Variants in DOCK11 observed in about 807,000 individuals in gnomAD.
DOCK11 encodes dedicator of cytokinesis 11.
In DOCK11, 70 loss-of-function variants were observed where a neutral mutation model predicts 169.1. The ratio of observed to expected loss-of-function variants is 0.41; its 90% confidence interval spans 0.34 to 0.51. DOCK11 has a LOEUF of 0.51. DOCK11 is among the 20% of genes least tolerant of loss of function. DOCK11 has a pLI of 0.10. For missense variants in DOCK11, 1,166 were observed against 1,538.8 expected (o/e 0.76, Z 4.05); for synonymous variants, 529 against 541.3 (o/e 0.98, Z 0.32).
At chrX:118,584,956 T>C (rs2013774936) in intron 15 of DOCK11, 85 bp from the exon 16 acceptor site, 2 of 1,148,480 alleles carry the variant, frequency 1.7e-6, no homozygotes, top group South Asian at 3.9e-5. Context: ...AACAGAATGA[T>C]TAAAATTGTA....
intron 1 of DOCK11, among the ~76,000 whole-genome samples, chrX:118,496,722 G>C (rs1462743529): frequency 8.9e-6 from 1 of 111,809 alleles, no homozygotes; most frequent in Non-Finnish European, 1.9e-5. Context: ...TTCTGCGACA[G>C]AGTGGGCGCA....
In DOCK11 at chrX:118,572,438, A is replaced by G. The variant is rs2013307026; in HGVS notation, c.1151A>G (p.Asp384Gly). The change falls in exon 11 of 53, where the codon GAC (aspartate) becomes GGC (glycine). Residue 384 changes from aspartate to glycine, a missense_variant. Asp to Gly is a moderately conservative substitution (Grantham distance 94). Transcript: ENST00000276202. ...TTCAATATCTTGGGCCAAATTGGAG[A>G]CAATGCAAAAGGACCACCCACAAAT... ...LTFNILGQIG[D>G]NAKGPPTNVE... 8.3e-7 allele frequency: 1 copy of G among 1,206,237 alleles called. No individual in the cohort carries two copies. The highest frequency in any genetic ancestry group is 1.7e-5 in the African/African-American group (1 of 57,724).
intron 45 of DOCK11, among the ~76,000 whole-genome samples, chrX:118,669,606 A>G (rs921974439): frequency 4.5e-5 from 5 of 111,674 alleles, no homozygotes; most frequent in Non-Finnish European, 1.9e-5. Context: ...GTCATCTCCC[A>G]AAGTCTCCAC....
chrX:118,621,238 C>T (rs975817468), intron 31 of DOCK11, among the ~76,000 whole-genome samples: 3 of 112,177 alleles, frequency 2.7e-5, no homozygotes, highest in Admixed American at 9.5e-5. Flanking sequence ...TTGTTTACTT[C>T]GTGGGCTTGG....
At chrX:118,551,902 G>C (rs191881117) in intron 6 of DOCK11, among the ~76,000 whole-genome samples, 2 of 110,390 alleles carry the variant, frequency 1.8e-5, no homozygotes, top group Non-Finnish European at 3.8e-5. Flanking sequence ...GCTAGGCGTG[G>C]TGGTGCACTC....
chrX:118,500,960 A>AT (rs2057572234), intron 1 of DOCK11, among the ~76,000 whole-genome samples: 1 of 110,613 alleles, frequency 9.0e-6, no homozygotes, highest in Non-Finnish European at 1.9e-5. Context: ...CTTTTAAATA[A>AT]TTTTTTTCAT....
At chrX:118,543,366 A>C in intron 3 of DOCK11, 145 bp from the exon 4 acceptor site, 1 of 454,207 alleles carries the variant, frequency 2.2e-6, no homozygotes, top group Non-Finnish European at 3.7e-6. Context: ...TAAGAGAGAC[A>C]CAGTTAACCC....
At chrX:118,675,807 G>C (rs749078157) in intron 46 of DOCK11, 129 bp from the exon 47 acceptor site, 1 of 381,281 alleles carries the variant, frequency 2.6e-6, no homozygotes, top group Non-Finnish European at 4.5e-6. Context: ...AGGGAGATGA[G>C]TATGAATGGC....
intron 6 of DOCK11, among the ~76,000 whole-genome samples, chrX:118,550,980 C>G (rs1399048672): frequency 5.4e-5 from 6 of 111,656 alleles, no homozygotes; most frequent in Non-Finnish European, 7.5e-5. Context: ...TTTCCCCAAT[C>G]CTGGAGGCAG....
intron 7 of DOCK11, among the ~76,000 whole-genome samples, chrX:118,564,169 C>T (rs1263859952): frequency 8.9e-6 from 1 of 112,398 alleles, no homozygotes; most frequent in African/African-American, 3.2e-5. Context: ...AAGTGATCCG[C>T]TCACCTCAGC....
chrX:118,653,148 A>G (rs1236691266), intron 42 of DOCK11, among the ~76,000 whole-genome samples: 1 of 111,676 alleles, frequency 9.0e-6, no homozygotes, highest in Non-Finnish European at 1.9e-5. Flanking sequence ...TATGTTATAT[A>G]GGTAGATTGG....
chrX:118,543,464 A>G (rs1407385244), intron 3 of DOCK11, 47 bp from the exon 4 acceptor site: 7 of 1,049,675 alleles, frequency 6.7e-6, no homozygotes, highest in Non-Finnish European at 6.6e-6. Context: ...GTGGATATAT[A>G]TGTACTTTTC....
Position 118,575,143 on chromosome X carries a change from G to T in DOCK11, c.1389+1125G>T, listed in dbSNP as rs532727328. Among the ~76,000 whole-genome samples, 38 of 111,574 alleles carry T rather than the reference G, an allele frequency of 3.4e-4. No homozygotes were observed. In the South Asian group the frequency reaches 0.013, roughly 38 times the overall value. ...TAATATAAGAAGTATAAAAAAGAAA[G>T]TAAAAGTCTCCACCCAAAAGACAAT... On this transcript the variant is annotated intron_variant, in intron 12 of 52. Transcript: ENST00000276202.
At chrX:118,654,349 G>A (rs73228281) in intron 42 of DOCK11, among the ~76,000 whole-genome samples, 2,326 of 112,253 alleles carry the variant, frequency 0.021, 26 homozygotes, top group Middle Eastern at 0.047. Flanking sequence ...GGGATTCAAA[G>A]CCAGGTAGTC....
At position 118,567,263 on chromosome X, in the gene DOCK11, T is replaced by A. The variant is rs146302924; in HGVS notation, c.951+610T>A. 4.4e-3 allele frequency among the ~76,000 whole-genome samples: 489 copies of A among 111,525 alleles called. 2 individuals carry two copies. Among genetic ancestry groups the A allele is most frequent in the African/African-American group, 0.015 (458 of 30,759 alleles). ...AGAAGGTTGTGACCCATTTATTCAT[T>A]TAAATCATTGCCAAATCTATTTATA... On this transcript the variant is annotated intron_variant, in intron 9 of 52. Transcript: ENST00000276202.
chrX:118,564,943 A>T (rs1296903839), intron 7 of DOCK11, among the ~76,000 whole-genome samples: 2 of 105,837 alleles, frequency 1.9e-5, no homozygotes. Flanking sequence ...TTAATTTTTA[A>T]TTTTTTTTTT....
At position 118,561,411 on chromosome X, in the gene DOCK11, C is replaced by A; in HGVS notation, c.587C>A (p.Thr196Asn). 1 of 1,199,065 alleles carries A rather than the reference C, an allele frequency of 8.3e-7. No homozygotes were observed. Among genetic ancestry groups the A allele is most frequent in the Non-Finnish European group, 1.1e-6 (1 of 890,155 alleles). ...TTCAAGAGACGATATTTTTACTTGA[C>A]CCAACTTCCTGACGGTTCATATATT... The part of the protein sequence containing the change: ...KVFKRRYFYL[T>N]QLPDGSYILN... Residue 196 changes from threonine to asparagine, a missense_variant, in exon 7 of 53, where the codon ACC becomes AAC. Thr to Asn is a moderately conservative substitution (Grantham distance 65). Transcript: ENST00000276202.
At chrX:118,554,417 G>T (rs936550594) in intron 6 of DOCK11, among the ~76,000 whole-genome samples, 4 of 110,548 alleles carry the variant, frequency 3.6e-5, no homozygotes, top group African/African-American at 1.3e-4. Flanking sequence ...AGGCGTCGTG[G>T]TGTGCACCTG....
intron 35 of DOCK11, among the ~76,000 whole-genome samples, chrX:118,636,075 G>A (rs765084855): frequency 6.3e-5 from 7 of 111,588 alleles, no homozygotes; most frequent in African/African-American, 6.5e-5. Flanking sequence ...GAAATGATAC[G>A]AAGATTGGGA....
Sources: allele counts gnomAD v4.1 joint callset (sites outside exome capture counted in the v4.1 genomes callset), GRCh38; gene constraint gnomAD v4.1.1; transcripts MANE v1.5; gene names NCBI Gene and HGNC (gene_info 2026-07-23, HGNC 2026-07-21).